Variants in LRP2 observed in about 807,000 individuals in gnomAD.
LRP2 encodes LDL receptor related protein 2, also known as low-density lipoprotein receptor-related protein 2.
LRP2 carries 172 observed loss-of-function variants against 531.0 expected under a neutral mutation model. That is an observed-to-expected ratio of 0.32 (90% CI 0.29 to 0.37). The LOEUF is 0.37. Among genes scored for constraint, LRP2 ranks in the 10% least tolerant of loss-of-function variants. The probability of loss-of-function intolerance (pLI) is 1.00; values close to 1 mark genes in which losing one functional copy is unlikely to be tolerated. For missense variants in LRP2, 5,167 were observed against 5,868.3 expected (o/e 0.88, Z 3.90); for synonymous variants, 1,992 against 2,027.6 (o/e 0.98, Z 0.47).
intron 8 of LRP2, 112 bp downstream of exon 8, chr2:169,290,733 C>A: frequency 8.7e-7 from 1 of 1,154,314 alleles, no homozygotes; most frequent in Non-Finnish European, 1.3e-6. Context: ...GCCACTAAGT[C>A]TTGGGGTGCT....
intron 38 of LRP2, among the ~76,000 whole-genome samples, chr2:169,209,143 A>C (rs1011559225): frequency 1.3e-5 from 2 of 152,198 alleles, no homozygotes; most frequent in African/African-American, 2.4e-5. Flanking sequence ...CTAATGCAGA[A>C]ATCAGGTGCA....
intron 4 of LRP2, among the ~76,000 whole-genome samples, chr2:169,297,603 A>T (rs777397839): frequency 1.3e-5 from 2 of 152,144 alleles, no homozygotes; most frequent in Non-Finnish European, 2.9e-5. Context: ...CAAATGATAC[A>T]TGTTCAGATT....
intron 26 of LRP2, among the ~76,000 whole-genome samples, chr2:169,238,706 A>G (rs182458905): frequency 6.6e-6 from 1 of 152,214 alleles, no homozygotes; most frequent in East Asian, 1.9e-4. Context: ...GCCCTCAGCT[A>G]TGGTAGAGAG....
chr2:169,234,576 C>T (rs371514882), intron 29 of LRP2, among the ~76,000 whole-genome samples: 1 of 152,136 alleles, frequency 6.6e-6, no homozygotes, highest in African/African-American at 2.4e-5. Flanking sequence ...AATAGTGCTG[C>T]AATAACATAT....
At chr2:169,199,230 G>T (rs1688105727) in intron 44 of LRP2, among the ~76,000 whole-genome samples, 1 of 152,170 alleles carries the variant, frequency 6.6e-6, no homozygotes, top group South Asian at 2.1e-4. Context: ...ACACAATGGA[G>T]TAATATGTAG....
At chr2:169,139,123 T>C (rs2105337287) in intron 74 of LRP2, 128 bp downstream of exon 74, 1 of 1,386,340 alleles carries the variant, frequency 7.2e-7, no homozygotes, top group East Asian at 2.3e-5. Context: ...TCACTACTTT[T>C]TGTTTCTGTG....
At chr2:169,170,921 G>GTTTTTTTTTTTTTTT (rs57451386) in intron 58 of LRP2, among the ~76,000 whole-genome samples, 1 of 91,846 alleles carries the variant, frequency 1.1e-5, no homozygotes, top group Non-Finnish European at 2.0e-5. Flanking sequence ...CTCTCTCTCT[G>GTTTTTTTTTTTTTTT]TTTTTTTTTT....
At chr2:169,161,373 T>C (rs1459891624) in intron 63 of LRP2, among the ~76,000 whole-genome samples, 1 of 152,256 alleles carries the variant, frequency 6.6e-6, no homozygotes, top group Non-Finnish European at 1.5e-5. Flanking sequence ...CATGTCATTT[T>C]AACATTTCCA....
At chr2:169,327,260 A>G (rs1276232299) in intron 1 of LRP2, among the ~76,000 whole-genome samples, 2 of 2,988 alleles carry the variant, frequency 6.7e-4, no homozygotes, top group Admixed American at 4.6e-3. Context: ...TCCGGGAGGG[A>G]GGTGGGGGGG....
intron 16 of LRP2, among the ~76,000 whole-genome samples, chr2:169,267,562 C>G (rs2544389): frequency 1 from 152,320 of 152,326 alleles, 76,157 homozygotes; most frequent in Middle Eastern, 1. Flanking sequence ...ACCAATGAGA[C>G]CAAAGACACA....
chr2:169,355,009 C>T (rs76358518), intron 1 of LRP2, among the ~76,000 whole-genome samples: 3,621 of 152,244 alleles, frequency 0.024, 55 homozygotes, highest in East Asian at 0.046. Flanking sequence ...GGAGTAGGAG[C>T]CTAAGATTCA....
At position 169,193,867 on chromosome 2, in the gene LRP2, A is replaced by G; in HGVS notation, c.8724T>C (p.Ala2908=). The stretch of plus-strand genomic sequence containing the variant: ...TCCCACCATCACACTTGAACTCATC[A>G]GCTAGGCATGTTCGCTCAGAGTGAC... The part of the protein sequence containing the change: ...SCGHSERTCL[A]DEFKCDGGRC... The change falls in exon 47 of 79, where the codon GCT becomes GCC. Residue 2908 remains alanine (A), a synonymous_variant. Coordinates refer to ENST00000649046, the MANE Select transcript of LRP2 (RefSeq NM_004525.3). 6.2e-7 allele frequency: 1 copy of G among 1,614,210 alleles called. No individual in the cohort carries two copies. The highest frequency in any genetic ancestry group is 1.7e-5 in the Admixed American group (1 of 60,036).
At chr2:169,160,739 C>T (rs921486763) in intron 63 of LRP2, among the ~76,000 whole-genome samples, 24 of 147,698 alleles carry the variant, frequency 1.6e-4, no homozygotes, top group Non-Finnish European at 3.6e-4. Context: ...GTACTGTAGT[C>T]TATTTTAAGC....
At chr2:169,138,515 T>C (rs1685599209) in intron 75 of LRP2, 62 bp downstream of exon 75, 3 of 1,582,052 alleles carry the variant, frequency 1.9e-6, no homozygotes, top group Non-Finnish European at 2.6e-6. Flanking sequence ...TTTTGTTCTT[T>C]ATAAAAAGTA....
chr2:169,186,829 T>C (rs560720553), intron 49 of LRP2, among the ~76,000 whole-genome samples: 2 of 152,362 alleles, frequency 1.3e-5, no homozygotes, highest in Non-Finnish European at 2.9e-5. Context: ...ATTTGAATTA[T>C]GTACTATTGA....
At chr2:169,244,288 T>C (rs1311477316) in intron 22 of LRP2, among the ~76,000 whole-genome samples, 1 of 152,236 alleles carries the variant, frequency 6.6e-6, no homozygotes, top group Non-Finnish European at 1.5e-5. Flanking sequence ...TCTGTGCCTC[T>C]TTATTTTGAT....
intron 4 of LRP2, among the ~76,000 whole-genome samples, chr2:169,296,471 G>A (rs1261357710): frequency 6.6e-6 from 1 of 151,928 alleles, no homozygotes; most frequent in East Asian, 1.9e-4. Flanking sequence ...CCCTTCAAGA[G>A]ATGCAAAAGA....
intron 4 of LRP2, among the ~76,000 whole-genome samples, chr2:169,299,930 T>C (rs528461542): frequency 2.6e-5 from 4 of 152,268 alleles, no homozygotes; most frequent in African/African-American, 9.6e-5. Flanking sequence ...AGCAAATCAT[T>C]GCTGGATGAA....
intron 19 of LRP2, among the ~76,000 whole-genome samples, chr2:169,255,778 C>T (rs901669035): frequency 6.6e-6 from 1 of 152,032 alleles, no homozygotes. Context: ...AAAATGAAGG[C>T]AGTAATTTAC....
Sources: allele counts gnomAD v4.1 joint callset (sites outside exome capture counted in the v4.1 genomes callset), GRCh38; gene constraint gnomAD v4.1.1; transcripts MANE v1.5; gene names NCBI Gene and HGNC (gene_info 2026-07-23, HGNC 2026-07-21).